The following DNM3 variants were observed in gnomAD, a reference collection of about 807,000 sequenced individuals.
DNM3 encodes dynamin-3.
Under a neutral mutation model 101.6 loss-of-function variants are expected in DNM3, and 47 were observed. The ratio of observed to expected loss-of-function variants is 0.46; its 90% CI spans 0.37 to 0.59. The LOEUF (loss-of-function observed/expected upper bound fraction) is 0.59. DNM3 is among the 20% of genes least tolerant of loss of function. The probability of loss-of-function intolerance (pLI) is 0.00; values close to 1 mark genes in which losing one functional copy is unlikely to be tolerated. For synonymous variants in DNM3, 385 were observed against 387.9 expected (o/e 0.99, Z 0.09); for missense variants, 849 against 1,085.7 (o/e 0.78, Z 3.06).
At chr1:172,041,541 T>C (rs2049388592) in intron 7 of DNM3, among the ~76,000 whole-genome samples, 1 of 152,146 alleles carries the variant, frequency 6.6e-6, no homozygotes, top group Non-Finnish European at 1.5e-5. Context: ...TATTTCTCAA[T>C]AGCCCTTGAA....
chr1:172,412,549 T>C lies in DNM3; in HGVS notation c.*4708T>C. On this transcript the variant is annotated 3_prime_UTR_variant, in exon 21 of 21. Coordinates refer to ENST00000627582, the MANE Select transcript of DNM3 (RefSeq NM_015569.5). ...TTAATATGAGCCGGATACTTTCCAC[T>C]GTCTTCTTGGCACTTTCAGGATTTC... is the stretch of plus-strand genomic sequence containing the variant. The C allele has an allele frequency of 6.1e-6, 6 of 985,776 alleles. No homozygotes were observed. The highest frequency in any genetic ancestry group is 7.2e-6 in the Non-Finnish European group (6 of 829,852). 61.1% of individuals were successfully genotyped at this position (985,776 alleles called of 1,614,324 possible). A position where few individuals can be genotyped will look rare whatever the true frequency, so the allele number is the denominator to read the frequency against.
At chr1:172,095,701 G>C (rs1308773387) in intron 13 of DNM3, among the ~76,000 whole-genome samples, 7 of 152,124 alleles carry the variant, frequency 4.6e-5, no homozygotes, top group Non-Finnish European at 1.0e-4. Context: ...TCCTCTTAGG[G>C]CTCCTGGTTG....
chr1:172,323,434 T>A, intron 17 of DNM3, 94 bp downstream of exon 17: 1 of 1,433,400 alleles, frequency 7.0e-7, no homozygotes, highest in Non-Finnish European at 9.5e-7. Flanking sequence ...CATGCTGGAA[T>A]GACTGTCATC....
chr1:171,994,634 T>C (rs1341438916), intron 4 of DNM3, among the ~76,000 whole-genome samples: 1 of 152,132 alleles, frequency 6.6e-6, no homozygotes, highest in Non-Finnish European at 1.5e-5. Context: ...GTTGTACATA[T>C]ATACAAAATT....
Position 171,944,854 on chromosome 1 carries a change from C to CTTTTTTTTTTTTTTTTTTT in DNM3, c.235+23033_235+23034insTTTTTTTTTTTTTTTTTTT. ...TTTGTTTTCTTTTTTTTTGGTGTTT[C>CTTTTTTTTTTTTTTTTTTT]CTTTTTTTTTTTTTTTTTTTTTTTT... On this transcript the variant is annotated intron_variant, in intron 2 of 20. Coordinates refer to ENST00000627582, the MANE Select transcript of DNM3 (RefSeq NM_015569.5). 1.1e-4 allele frequency among the ~76,000 whole-genome samples: 4 copies of CTTTTTTTTTTTTTTTTTTT among 37,588 alleles called. 2 individuals carry two copies. Among genetic ancestry groups the CTTTTTTTTTTTTTTTTTTT allele is most frequent in the Non-Finnish European group, 2.1e-4 (4 of 18,632 alleles). 24.7% of individuals were successfully genotyped at this position (37,588 alleles called of 152,430 possible).
At chr1:171,850,952 G>A (rs2032878919) in intron 1 of DNM3, among the ~76,000 whole-genome samples, 1 of 152,170 alleles carries the variant, frequency 6.6e-6, no homozygotes, top group Non-Finnish European at 1.5e-5. Flanking sequence ...AGAATTAGGA[G>A]TATTTGTGAA....
intron 1 of DNM3, 66 bp downstream of exon 1, chr1:171,841,883 G>A: frequency 6.5e-7 from 1 of 1,544,352 alleles, no homozygotes; most frequent in Non-Finnish European, 8.7e-7. Flanking sequence ...CCGTTGGAAC[G>A]TGGACGGGCA....
At chr1:171,919,018 T>C (rs193039929) in intron 1 of DNM3, among the ~76,000 whole-genome samples, 272 of 152,288 alleles carry the variant, frequency 1.8e-3, no homozygotes, top group Middle Eastern at 3.4e-3. Context: ...AGAAAATATT[T>C]TATTGACTTG....
chr1:171,875,249 CT>C (rs1198641538), intron 1 of DNM3, among the ~76,000 whole-genome samples: 3 of 152,290 alleles, frequency 2.0e-5, no homozygotes, highest in African/African-American at 7.2e-5. Flanking sequence ...ATCCAAACTG[CT>C]TTCCACAGTG....
chr1:172,024,025 A>G (rs556004179), intron 4 of DNM3, among the ~76,000 whole-genome samples: 57 of 152,120 alleles, frequency 3.7e-4, no homozygotes, highest in South Asian at 2.3e-3. Context: ...CCATGAATGC[A>G]ATAAGTTCTC....
intron 4 of DNM3, among the ~76,000 whole-genome samples, 170 bp downstream of exon 4, chr1:171,989,318 AAAT>A (rs565995976): frequency 1.1e-3 from 165 of 151,992 alleles, no homozygotes; most frequent in African/African-American, 3.7e-3. Context: ...TAATATTAAA[AAAT>A]AATAAATAAT....
chr1:172,265,433 C>T (rs73030919), intron 15 of DNM3, among the ~76,000 whole-genome samples: 6,574 of 152,150 alleles, frequency 0.043, 431 homozygotes, highest in African/African-American at 0.14. Context: ...ACTGGTTTAG[C>T]CTACATAAAC....
intron 1 of DNM3, among the ~76,000 whole-genome samples, chr1:171,880,739 AT>A (rs2036194481): frequency 6.6e-6 from 1 of 152,198 alleles, no homozygotes; most frequent in Non-Finnish European, 1.5e-5. Context: ...GAAAATATTT[AT>A]ATTGATTACT....
Position 172,202,262 on chromosome 1 carries a change from A to G in DNM3, c.1660-51311A>G, listed in dbSNP as rs2060181480. 2.0e-5 allele frequency among the ~76,000 whole-genome samples: 3 copies of G among 152,132 alleles called. No individual in the cohort carries two copies. The South Asian group carries it at 6.2e-4, about 32-fold the overall frequency. On this transcript the variant is annotated intron_variant, in intron 14 of 20. Transcript: ENST00000627582. The stretch of plus-strand genomic sequence containing the variant: ...GAAGTGTTCCTTCTGTTTTTATTTA[A>G]AAGAGTTTGTAAAGAATTGGTATAA...
intron 13 of DNM3, among the ~76,000 whole-genome samples, chr1:172,106,813 AT>A (rs1285124231): frequency 9.1e-6 from 1 of 109,698 alleles, no homozygotes; most frequent in Non-Finnish European, 2.0e-5. Flanking sequence ...CATTGAACGA[AT>A]TTTCTTATTA....
chr1:172,120,119 G>A (rs1344484836), intron 13 of DNM3, among the ~76,000 whole-genome samples: 9 of 152,136 alleles, frequency 5.9e-5, no homozygotes, highest in Non-Finnish European at 1.2e-4. Context: ...TGCTAATAAA[G>A]ATATACCTGA....
At position 172,411,227 on chromosome 1, in the gene DNM3, A is replaced by G. The variant is rs763605643; in HGVS notation, c.*3386A>G. The G allele has an allele frequency of 7.8e-5, 77 of 985,230 alleles. No homozygotes were observed. The highest frequency in any genetic ancestry group is 8.8e-5 in the Non-Finnish European group (73 of 829,762). The allele number at this position is 985,230 out of a possible 1,614,324, so 61.0% of individuals were successfully genotyped here. ...ATCTGCCATAACATGTGGTAACAAT[A>G]GTTCATTTCTCATAACATATATGAG... is the stretch of plus-strand genomic sequence containing the variant. On this transcript the variant is annotated 3_prime_UTR_variant, in exon 21 of 21. Coordinates refer to ENST00000627582, the MANE Select transcript of DNM3 (RefSeq NM_015569.5).
chr1:171,968,780 C>T (rs747872176), intron 2 of DNM3, among the ~76,000 whole-genome samples: 4 of 151,764 alleles, frequency 2.6e-5, no homozygotes, highest in Non-Finnish European at 5.9e-5. Flanking sequence ...CTAAGCTATA[C>T]TAAGGGAAAA....
chr1:171,976,999 A>G (rs555496493), intron 2 of DNM3, among the ~76,000 whole-genome samples: 2 of 152,252 alleles, frequency 1.3e-5, no homozygotes, highest in Admixed American at 1.3e-4. Context: ...ACAAAGTCTC[A>G]TCATTTTGCT....
Sources: gnomAD v4.1 joint callset for allele counts (sites outside exome capture counted in the v4.1 genomes callset) on GRCh38, gnomAD v4.1.1 for gene constraint, MANE v1.5 for transcripts, NCBI Gene and HGNC (gene_info 2026-07-23, HGNC 2026-07-21) for gene names.